SRRM2: variants seen among roughly 807,000 people sequenced by gnomAD.
SRRM2 encodes serine/arginine repetitive matrix protein 2.
SRRM2 carries 30 observed loss-of-function variants against 213.8 expected under a neutral mutation model. The observed-to-expected ratio is 0.14, with a 90% CI of 0.10 to 0.19. SRRM2 has a LOEUF of 0.19. Ranked by LOEUF, SRRM2 falls within the 10% of genes least tolerant of loss-of-function variation. The pLI is 1.00. For synonymous variants in SRRM2, 2,025 were observed against 1,377.7 expected, an observed-to-expected ratio of 1.47 and a Z score of -10.40; for missense variants, 4,904 against 3,647.0, an observed-to-expected ratio of 1.34 and a Z score of -8.88.
Position 2,763,385 on chromosome 16 carries a change from G to C in SRRM2, c.2857G>C (p.Val953Leu). Reference sequence around the variant, plus strand: ...AACAACTCCACGGCGAAGCAGATCAGTATCTCCCTGCTCCAATGTGGAATC... The same window carrying C: ...AACAACTCCACGGCGAAGCAGATCACTATCTCCCTGCTCCAATGTGGAATC... Reference protein sequence around the residue: ...SRTTPRRSRSVSPCSNVESRL... With the variant: ...SRTTPRRSRSLSPCSNVESRL... Residue 953 changes from valine to leucine, a missense_variant, in exon 11 of 15, where the codon GTA becomes CTA. Transcript: ENST00000301740. The C allele has an allele frequency of 6.2e-7, 1 of 1,614,208 alleles. No individual in the cohort carries two copies. The highest frequency in any genetic ancestry group is 8.5e-7 in the Non-Finnish European group (1 of 1,180,034).
Position 2,763,249 on chromosome 16 carries a change from G to T in SRRM2, c.2721G>T (p.Gln907His), listed in dbSNP as rs1459222426. 2 of 1,614,058 alleles carry T rather than the reference G, an allele frequency of 1.2e-6. No homozygotes were observed. Among genetic ancestry groups the T allele is most frequent in the South Asian group, 1.1e-5 (1 of 91,076 alleles). ...PRVKSSTPPR[Q>H]SPSRSSSPQP... ...TGAAATCTAGCACACCTCCCAGACA[G>T]AGCCCATCTAGGTCATCATCTCCAC... Residue 907 changes from glutamine to histidine, a missense_variant, in exon 11 of 15, where the codon CAG (glutamine) becomes CAT (histidine). Physicochemically the swap from Gln to His is conservative, Grantham distance 24. Coordinates refer to ENST00000301740, the MANE Select transcript of SRRM2 (RefSeq NM_016333.4).
chr16:2,755,033 T>C (rs1194514210), intron 1 of SRRM2, among the ~76,000 whole-genome samples: 1 of 152,254 alleles, frequency 6.6e-6, no homozygotes, highest in Non-Finnish European at 1.5e-5. Flanking sequence ...CCAGTTCTTT[T>C]ACATCTTTGA....
Position 2,765,723 on chromosome 16 carries a change from C to T in SRRM2, c.5195C>T (p.Ser1732Phe). Residue 1732 changes from serine (S) to phenylalanine (F), a missense_variant, in exon 11 of 15, where the codon TCC becomes TTC. Transcript: ENST00000301740. The part of the protein sequence containing the change: ...PRHRRSPSVS[S>F]PEPAEKSRSS... ...CACCGGAGAAGTCCCTCAGTGTCTT[C>T]CCCGGAGCCAGCCGAAAAATCGAGG... is the stretch of plus-strand genomic sequence containing the variant. 6.2e-7 allele frequency: 1 copy of T among 1,614,140 alleles called. No individual in the cohort carries two copies. Among genetic ancestry groups the T allele is most frequent in the Non-Finnish European group, 8.5e-7 (1 of 1,180,036 alleles).
Position 2,762,259 on chromosome 16 carries a change from A to G in SRRM2, c.1731A>G (p.Thr577=), listed in dbSNP as rs780392131. Residue 577 remains threonine (T), a synonymous_variant, in exon 11 of 15, where the codon ACA becomes ACG. Transcript: ENST00000301740. The stretch of plus-strand genomic sequence containing the variant: ...CTAGGGGTAGATCTCGTTCTAGAAC[A>G]CCAGCCCGCCGGGGCAGGTCCCGCT... ...PATRGRSRSR[T]PARRGRSRSR... The G allele has an allele frequency of 3.7e-6, 6 of 1,604,050 alleles. No individual in the cohort carries two copies. Among genetic ancestry groups the G allele is most frequent in the South Asian group, 1.1e-5 (1 of 90,864 alleles).
At chr16:2,758,631 T>C in intron 5 of SRRM2, 84 bp downstream of exon 5, 1 of 1,359,172 alleles carries the variant, frequency 7.4e-7, no homozygotes, top group South Asian at 1.2e-5. Context: ...CAGTTCTGGC[T>C]TCCACAAAGC....
chr16:2,764,126 C>G lies in SRRM2; in HGVS notation c.3598C>G (p.Leu1200Val), dbSNP rs764401648. The change falls in exon 11 of 15, where the codon CTG becomes GTG. Residue 1200 changes from leucine (L) to valine (V), a missense_variant. Transcript: ENST00000301740. ...FPVQDRPESS[L>V]VFKDTLRTPP... is the part of the protein sequence containing the mutation. ...AGTACAGGATAGGCCTGAGTCTTCA[C>G]TGGTATTCAAAGACACACTTAGAAC... 2.5e-6 allele frequency: 4 copies of G among 1,614,048 alleles called. No homozygotes were observed. Among genetic ancestry groups the G allele is most frequent in the Admixed American group, 1.7e-5 (1 of 60,008 alleles).
In SRRM2 at chr16:2,766,674, C is replaced by T. The variant is rs760695792; in HGVS notation, c.6146C>T (p.Ala2049Val). The T allele has an allele frequency of 3.7e-6, 6 of 1,613,990 alleles. No homozygotes were observed. The highest frequency in any genetic ancestry group is 3.3e-5 in the Admixed American group (2 of 59,994). The change falls in exon 11 of 15, where the codon GCT becomes GTT. Residue 2049 changes from alanine to valine, a missense_variant. Transcript: ENST00000301740. This position sits in a 1 kb window ranked among gnomAD's most constrained non-coding sequence, Gnocchi z 7.0. Reference sequence around the variant, plus strand: ...CGTTCTCGAAGTCGCTCACCACTTGCTATCCGCCGCCGCTCCAGATCCCGT... The same window carrying T: ...CGTTCTCGAAGTCGCTCACCACTTGTTATCCGCCGCCGCTCCAGATCCCGT... ...RKRSRSRSPL[A>V]IRRRSRSRTP...
intron 2 of SRRM2, 83 bp downstream of exon 2, chr16:2,756,689 T>A: frequency 6.6e-7 from 1 of 1,510,450 alleles, no homozygotes; most frequent in Admixed American, 2.2e-5. Flanking sequence ...GAGCTTAGGG[T>A]GGTTGAAAGA....
At position 2,771,321 on chromosome 16, in the gene SRRM2, A is replaced by G; in HGVS notation, c.*454A>G. The G allele has an allele frequency of 1.5e-6, 2 of 1,326,640 alleles. No individual in the cohort carries two copies. Among genetic ancestry groups the G allele is most frequent in the Non-Finnish European group, 2.2e-6 (2 of 927,830 alleles). The allele number at this position is 1,326,640 out of a possible 1,614,324, so 82.2% of individuals were successfully genotyped here. The stretch of plus-strand genomic sequence containing the variant: ...ATGAGGTTGTGAACCCCTCCCCCCA[A>G]CTTTTCATGTTTCTTAAAGGCATTT... On this transcript the variant is annotated 3_prime_UTR_variant, in exon 15 of 15. Coordinates refer to ENST00000301740, the MANE Select transcript of SRRM2 (RefSeq NM_016333.4).
chr16:2,768,295 G>T, intron 11 of SRRM2, 34 bp downstream of exon 11: 1 of 1,520,752 alleles, frequency 6.6e-7, no homozygotes, highest in Non-Finnish European at 8.8e-7. Flanking sequence ...ATCTTCAGTG[G>T]GGGAGGTATT....
chr16:2,764,549 A>G lies in SRRM2; in HGVS notation c.4021A>G (p.Thr1341Ala). Residue 1341 changes from threonine to alanine, a missense_variant, in exon 11 of 15, where the codon ACA (threonine) becomes GCA (alanine). Thr to Ala is a moderately conservative substitution (Grantham distance 58, BLOSUM62 0). Coordinates refer to ENST00000301740, the MANE Select transcript of SRRM2 (RefSeq NM_016333.4). ...ATTTAGAAACTCAGGCCCACTTGGT[A>G]CAGAAATGAATACTGGATTTTCTTC... Reference protein sequence around the residue: ...LEFRNSGPLGTEMNTGFSSEV... With the variant: ...LEFRNSGPLGAEMNTGFSSEV... The G allele has an allele frequency of 6.2e-7, 1 of 1,614,266 alleles. No homozygotes were observed. The highest frequency in any genetic ancestry group is 8.5e-7 in the Non-Finnish European group (1 of 1,180,056).
chr16:2,763,915 T>G lies in SRRM2; in HGVS notation c.3387T>G (p.Ser1129=). The G allele has an allele frequency of 6.2e-7, 1 of 1,614,246 alleles. No individual in the cohort carries two copies. Among genetic ancestry groups the G allele is most frequent in the Non-Finnish European group, 8.5e-7 (1 of 1,180,044 alleles). Residue 1129 remains serine, a synonymous_variant, in exon 11 of 15, where the codon TCT becomes TCG. Coordinates refer to ENST00000301740, the MANE Select transcript of SRRM2 (RefSeq NM_016333.4). ...GEFSASPMLK[S]GMSPEQSRFQ... is the part of the protein sequence containing the mutation. ...TCTCAGCGAGTCCTATGTTGAAATC[T>G]GGAATGTCTCCTGAGCAGAGCAGGT...
rs2068616185 is a variant in SRRM2 at position 2,768,293 on chromosome 16, TG to T, written c.7733+37del. On this transcript the variant is annotated intron_variant, in intron 11 of 14. Transcript: ENST00000301740. The stretch of plus-strand genomic sequence containing the variant: ...GAGCTTGACTTTTAGAAATCTTCAG[TG>T]GGGGAGGTATTGGGGATGGGTTGGG... 2.0e-6 allele frequency: 3 copies of T among 1,489,518 alleles called. No individual in the cohort carries two copies. In the South Asian group the frequency reaches 4.0e-5, roughly 20 times the overall value. 92.3% of individuals were successfully genotyped at this position (1,489,518 alleles called of 1,614,324 possible).
In SRRM2 at chr16:2,763,285, G is replaced by A; in HGVS notation, c.2757G>A (p.Val919=). 2 of 1,614,068 alleles carry A rather than the reference G, an allele frequency of 1.2e-6. No individual in the cohort carries two copies. The highest frequency in any genetic ancestry group is 1.7e-6 in the Non-Finnish European group (2 of 1,180,012). Residue 919 remains valine (V), a synonymous_variant, in exon 11 of 15, where the codon GTG becomes GTA. Coordinates refer to ENST00000301740, the MANE Select transcript of SRRM2 (RefSeq NM_016333.4). ...GGTCATCATCTCCACAACCCAAAGTGAAGGCAATAATATCACCAAGACAAA... is the reference window on the plus strand; with the variant it reads ...GGTCATCATCTCCACAACCCAAAGTAAAGGCAATAATATCACCAAGACAAA... The part of the protein sequence containing the change: ...PSRSSSPQPK[V]KAIISPRQRS...
At chr16:2,758,818 C>A in intron 5 of SRRM2, 167 bp from the exon 6 acceptor site, 3 of 763,606 alleles carry the variant, frequency 3.9e-6, no homozygotes, top group Non-Finnish European at 6.3e-6. Flanking sequence ...TAAGGAGTTA[C>A]TTGTGCTTGT....
chr16:2,758,043 T>C, intron 4 of SRRM2, 98 bp downstream of exon 4: 1 of 1,444,136 alleles, frequency 6.9e-7, no homozygotes. Context: ...TCCCAAACTC[T>C]TCAGATTTTG....
At position 2,770,417 on chromosome 16, in the gene SRRM2, T is replaced by C; in HGVS notation, c.8087T>C (p.Val2696Ala). 1 of 1,611,270 alleles carries C rather than the reference T, an allele frequency of 6.2e-7. No homozygotes were observed. Among genetic ancestry groups the C allele is most frequent in the Non-Finnish European group, 8.5e-7 (1 of 1,178,872 alleles). The change falls in exon 13 of 15, where the codon GTG (valine) becomes GCG (alanine). Residue 2696 changes from valine (V) to alanine (A), a missense_variant. Physicochemically the swap from Val to Ala is moderately conservative, Grantham distance 64. Transcript: ENST00000301740. ...RDSRSLSYSP[V>A]ERRRPSPQPS... ...TCTCGGTCCCTCAGCTACTCGCCTG[T>C]GGAGCGTCGCCGTCCCTCGCCCCAG...
At chr16:2,756,722 G>C (rs1052191334) in intron 2 of SRRM2, 116 bp downstream of exon 2, 4 of 1,409,408 alleles carry the variant, frequency 2.8e-6, no homozygotes, top group Admixed American at 2.4e-5. Context: ...AGTTGTGGTA[G>C]GGGAGGAGGC....
chr16:2,758,951 A>C (rs2068243000), intron 5 of SRRM2, 34 bp from the exon 6 acceptor site: 1 of 1,613,362 alleles, frequency 6.2e-7, no homozygotes, highest in East Asian at 2.2e-5. Flanking sequence ...AAAGAAGCCA[A>C]GCAGGATGAG....
Sources: gnomAD v4.1 joint callset for allele counts (sites outside exome capture counted in the v4.1 genomes callset) on GRCh38, gnomAD v4.1.1 for gene constraint, Gnocchi (gnomAD v3.1) non-coding constraint, MANE v1.5 for transcripts, NCBI Gene and HGNC (gene_info 2026-07-23, HGNC 2026-07-21) for gene names.